Variants in CTNNA2 observed in about 807,000 individuals in gnomAD.
The protein encoded by CTNNA2 is catenin alpha-2.
Under a neutral mutation model 101.0 loss-of-function variants are expected in CTNNA2, and 42 were observed. The ratio of observed to expected loss-of-function variants is 0.42; its 90% CI spans 0.32 to 0.54. The LOEUF (loss-of-function observed/expected upper bound fraction) is 0.54, where lower values mean the gene tolerates loss of function less well. Ranked by LOEUF, CTNNA2 falls within the 20% of genes least tolerant of loss-of-function variation. The pLI, the probability that CTNNA2 is intolerant of heterozygous loss-of-function variation, is 0.14. For synonymous variants in CTNNA2, 450 were observed against 456.4 expected (o/e 0.99, Z 0.18); for missense variants, 871 against 1,223.1 (o/e 0.71, Z 4.29).
chr2:79,196,306 TG>T (rs762903482), intron 1 of CTNNA2, among the ~76,000 whole-genome samples: 13 of 152,164 alleles, frequency 8.5e-5, no homozygotes, highest in Admixed American at 5.2e-4. Context: ...TTAGAATTAG[TG>T]GTGCTCAAAT....
intron 7 of CTNNA2, among the ~76,000 whole-genome samples, chr2:79,925,169 G>A (rs965085151): frequency 5.9e-5 from 9 of 151,864 alleles, no homozygotes; most frequent in African/African-American, 2.2e-4. Flanking sequence ...GCATTTATTT[G>A]TTTACTAAAG....
intron 7 of CTNNA2, among the ~76,000 whole-genome samples, chr2:80,080,968 A>G (rs1008194295): frequency 1.3e-5 from 2 of 150,226 alleles, no homozygotes; most frequent in Non-Finnish European, 3.0e-5. Context: ...AAAAAAAAAA[A>G]AAAAGAAATG....
intron 9 of CTNNA2, among the ~76,000 whole-genome samples, chr2:80,439,798 T>C (rs1682395974): frequency 6.6e-6 from 1 of 152,144 alleles, no homozygotes; most frequent in Non-Finnish European, 1.5e-5. Context: ...AACACCTCAG[T>C]GAGGAAGCTA....
intron 1 of CTNNA2, among the ~76,000 whole-genome samples, chr2:79,579,186 T>A (rs1327494975): frequency 2.0e-5 from 3 of 150,502 alleles, no homozygotes; most frequent in Non-Finnish European, 3.0e-5. Context: ...CTTCCTTCCT[T>A]CCTTTCTTCC....
chr2:80,512,705 C>G (rs754584941), intron 9 of CTNNA2, among the ~76,000 whole-genome samples: 27 of 151,580 alleles, frequency 1.8e-4, no homozygotes, highest in Non-Finnish European at 2.6e-4. Context: ...GTTTTCCCTC[C>G]AAGAATCACT....
intron 12 of CTNNA2, among the ~76,000 whole-genome samples, chr2:80,558,377 A>G (rs1205944103): frequency 6.6e-6 from 1 of 152,134 alleles, no homozygotes; most frequent in Non-Finnish European, 1.5e-5. Flanking sequence ...TGCATAAAGT[A>G]GACACGTGGA....
At chr2:79,844,562 C>T (rs908675573) in intron 3 of CTNNA2, among the ~76,000 whole-genome samples, 4 of 152,084 alleles carry the variant, frequency 2.6e-5, no homozygotes, top group African/African-American at 7.2e-5. Context: ...TTCATTCTTT[C>T]GTTTATTACT....
At chr2:80,561,787 A>G (rs1299057930) in intron 12 of CTNNA2, among the ~76,000 whole-genome samples, 3 of 151,020 alleles carry the variant, frequency 2.0e-5, no homozygotes, top group Admixed American at 1.3e-4. Context: ...CAGCTTCCCA[A>G]GTAGCTGTGA....
intron 3 of CTNNA2, among the ~76,000 whole-genome samples, chr2:79,808,454 C>T (rs937472300): frequency 3.3e-5 from 5 of 152,312 alleles, no homozygotes; most frequent in South Asian, 2.1e-4. Context: ...CCTGTCATAG[C>T]TTGAAGGCCA....
chr2:79,962,682 G>T lies in CTNNA2; in HGVS notation c.1056+52885G>T, dbSNP rs138268841. The stretch of plus-strand genomic sequence containing the variant: ...AAGAGGTGCTAAGTTCCGACTGGTA[G>T]GTCCCTCTTTTAGTTTGATAGATAT... On this transcript the variant is annotated intron_variant, in intron 7 of 18. Coordinates refer to ENST00000402739, the MANE Select transcript of CTNNA2 (RefSeq NM_001282597.3). 8.0e-4 allele frequency among the ~76,000 whole-genome samples: 122 copies of T among 152,296 alleles called. 1 individual carries two copies. Among genetic ancestry groups the T allele is most frequent in the Middle Eastern group, 6.8e-3 (2 of 294 alleles).
chr2:79,774,064 A>G (rs540057586), intron 3 of CTNNA2, among the ~76,000 whole-genome samples: 2 of 152,294 alleles, frequency 1.3e-5, no homozygotes, highest in South Asian at 4.1e-4. Flanking sequence ...CTCTCTCAGA[A>G]TCTGTGAACC....
At chr2:79,275,511 C>T (rs1675189418) in intron 2 of CTNNA2, among the ~76,000 whole-genome samples, 1 of 151,896 alleles carries the variant, frequency 6.6e-6, no homozygotes. Context: ...TTTCTTGCCC[C>T]TCATGTTTTC....
In CTNNA2 at chr2:79,877,115, A is replaced by C. The variant is rs549731759; in HGVS notation, c.852+2773A>C. Among the ~76,000 whole-genome samples the C allele has an allele frequency of 1.4e-4, 21 of 151,966 alleles. No homozygotes were observed. The South Asian group carries it at 4.1e-3, about 30-fold the overall frequency. On this transcript the variant is annotated intron_variant, in intron 6 of 18. Coordinates refer to ENST00000402739, the MANE Select transcript of CTNNA2 (RefSeq NM_001282597.3). ...TATTTTATATTAGCTAAGTATATTA[A>C]TGAGGTAATATATTCTTATTAAATG...
At chr2:80,166,227 G>A (rs1704684348) in intron 7 of CTNNA2, among the ~76,000 whole-genome samples, 1 of 152,112 alleles carries the variant, frequency 6.6e-6, no homozygotes, top group Non-Finnish European at 1.5e-5. Context: ...TTATGCTAAG[G>A]AATGACTCTT....
chr2:79,460,566 T>A lies in CTNNA2; in HGVS notation c.-134-44488T>A, dbSNP rs186707644. Among the ~76,000 whole-genome samples, 3 of 152,338 alleles carry A rather than the reference T, an allele frequency of 2.0e-5. No homozygotes were observed. In the East Asian group the frequency reaches 5.8e-4, roughly 29 times the overall value. On this transcript the variant is annotated intron_variant, in intron 4 of 21. Transcript: ENST00000466387. ...ATAGGCCAATTTCTCACCCGAATTA[T>A]TACTTCCTAAATAAGCTTTCAGCCT... is the stretch of plus-strand genomic sequence containing the variant.
chr2:79,333,305 G>C (rs535853353), intron 3 of CTNNA2, among the ~76,000 whole-genome samples: 28 of 152,096 alleles, frequency 1.8e-4, no homozygotes, highest in African/African-American at 6.5e-4. Context: ...CAAGACTGTG[G>C]GTTCAAATTT....
At chr2:80,335,616 GGC>G (rs1452630118) in intron 7 of CTNNA2, among the ~76,000 whole-genome samples, 3 of 152,068 alleles carry the variant, frequency 2.0e-5, no homozygotes, top group Non-Finnish European at 2.9e-5. Context: ...CTGTATTTCT[GGC>G]ATCAGTACTT....
At chr2:79,405,903 T>C (rs546407157) in intron 4 of CTNNA2, among the ~76,000 whole-genome samples, 1 of 152,146 alleles carries the variant, frequency 6.6e-6, no homozygotes, top group South Asian at 2.1e-4. Context: ...GCATTGTGGA[T>C]GGGTCATCTG....
chr2:80,271,215 A>G (rs1673442045), intron 7 of CTNNA2, among the ~76,000 whole-genome samples: 2 of 152,236 alleles, frequency 1.3e-5, no homozygotes, highest in Admixed American at 6.5e-5. Context: ...CTTGGGTCAT[A>G]TAAGACTGAG....
Sources: gnomAD v4.1 joint callset for allele counts (sites outside exome capture counted in the v4.1 genomes callset) on GRCh38, gnomAD v4.1.1 for gene constraint, MANE v1.5 for transcripts, NCBI Gene and HGNC (gene_info 2026-07-23, HGNC 2026-07-21) for gene names.